SEPTIN9: variants seen among roughly 807,000 people sequenced by gnomAD.
SEPTIN9 encodes the protein septin-9.
SEPTIN9 carries 13 observed loss-of-function variants against 56.6 expected under a neutral mutation model. The ratio of observed to expected loss-of-function variants is 0.23; its 90% CI spans 0.15 to 0.37. The LOEUF is 0.37. Among genes scored for constraint, SEPTIN9 ranks in the 10% least tolerant of loss-of-function variants. SEPTIN9 has a pLI of 1.00. For synonymous variants in SEPTIN9, 332 were observed against 334.1 expected (o/e 0.99, Z 0.07); for missense variants, 650 against 823.1 (o/e 0.79, Z 2.57).
In SEPTIN9 at chr17:77,498,678, C is replaced by CGGGGGG; in HGVS notation, c.*23_*24insGGGGGG. The CGGGGGG allele has an allele frequency of 6.6e-7, 1 of 1,511,224 alleles. No individual in the cohort carries two copies. The highest frequency in any genetic ancestry group is 8.9e-7 in the Non-Finnish European group (1 of 1,123,266). 93.6% of individuals were successfully genotyped at this position (1,511,224 alleles called of 1,614,324 possible). On this transcript the variant is annotated 3_prime_UTR_variant, in exon 12 of 12. Coordinates refer to ENST00000427177, the MANE Select transcript of SEPTIN9 (RefSeq NM_001113491.2). ...ATGTAGACGCCACCCTGCCCACCCC[C>CGGGGGG]GGGATCCTGCCCCCAAGTCATTTCC...
chr17:77,284,667 T>TTG (rs1217373955), intron 1 of SEPTIN9, among the ~76,000 whole-genome samples: 1 of 152,202 alleles, frequency 6.6e-6, no homozygotes, highest in Non-Finnish European at 1.5e-5. Context: ...TCTCACTCTG[T>TTG]CTCCCAGGCT....
At chr17:77,307,381 G>A (rs1028450320) in intron 2 of SEPTIN9, among the ~76,000 whole-genome samples, 184 bp downstream of exon 2, 4 of 152,216 alleles carry the variant, frequency 2.6e-5, no homozygotes, top group Non-Finnish European at 4.4e-5. Flanking sequence ...CAGGCCTGTC[G>A]ACGCTGCCCT....
intron 3 of SEPTIN9, chr17:77,454,167 A>G: frequency 1.0e-6 from 1 of 985,578 alleles, no homozygotes. Flanking sequence ...CTTAACACAG[A>G]GCATCGATAC....
chr17:77,343,003 G>GTCTATCTATCTATCCA lies in SEPTIN9; in HGVS notation c.76+35820_76+35821insCATCTATCTATCTATC. 1.4e-5 allele frequency among the ~76,000 whole-genome samples: 2 copies of GTCTATCTATCTATCCA among 147,254 alleles called. 1 individual carries two copies. Among genetic ancestry groups the GTCTATCTATCTATCCA allele is most frequent in the Middle Eastern group, 6.8e-3 (2 of 292 alleles). On this transcript the variant is annotated intron_variant, in intron 2 of 11. Transcript: ENST00000427177. ...AATCAATGTATCTGTCTGTCTGTCT[G>GTCTATCTATCTATCCA]TCTATCTATCTATCTATCTATCTAT...
Position 77,435,872 on chromosome 17 carries a change from C to T in SEPTIN9, c.721+33169C>T, listed in dbSNP as rs777324787. Among the ~76,000 whole-genome samples the T allele has an allele frequency of 1.3e-5, 2 of 152,224 alleles. No homozygotes were observed. Among genetic ancestry groups the T allele is most frequent in the Non-Finnish European group, 2.9e-5 (2 of 68,040 alleles). On this transcript the variant is annotated intron_variant, in intron 3 of 11. Transcript: ENST00000427177. The surrounding 1 kb of genome is among the most constrained non-coding windows in gnomAD (Gnocchi z 4.5). ...AGGCCTTTGCTCCTGAGCCCTGCCT[C>T]TGTGTAATCCCTAAAGCACGGACTT... is the stretch of plus-strand genomic sequence containing the variant.
chr17:77,332,725 C>CT lies in SEPTIN9; in HGVS notation c.76+25535dup, dbSNP rs531604952. 3.9e-4 allele frequency among the ~76,000 whole-genome samples: 60 copies of CT among 152,230 alleles called. 1 individual carries two copies. The Middle Eastern group carries it at 0.01, about 26-fold the overall frequency. ...CTTCCCCAGGGCAACCACAATTGTG[C>CT]TTTTTTTCCACCACGAAATAATTTT... On this transcript the variant is annotated intron_variant, in intron 2 of 11. Coordinates refer to ENST00000427177, the MANE Select transcript of SEPTIN9 (RefSeq NM_001113491.2).
intron 1 of SEPTIN9, among the ~76,000 whole-genome samples, chr17:77,302,413 C>T (rs2032089969): frequency 6.6e-6 from 1 of 151,952 alleles, no homozygotes; most frequent in Non-Finnish European, 1.5e-5. Context: ...GGCGTGGTGG[C>T]TCACGTCTGT....
chr17:77,463,178 C>T (rs1421642532), intron 3 of SEPTIN9, among the ~76,000 whole-genome samples: 1 of 152,124 alleles, frequency 6.6e-6, no homozygotes. Context: ...AGGGGCAGGT[C>T]AGTGAGTTCT....
intron 3 of SEPTIN9, among the ~76,000 whole-genome samples, chr17:77,428,649 C>T (rs2037005909): frequency 6.6e-6 from 1 of 152,180 alleles, no homozygotes; most frequent in Admixed American, 6.5e-5. Flanking sequence ...AGGGCACTAA[C>T]CCTGGGTCAC....
rs1235712430 is a variant in SEPTIN9 at position 77,437,916 on chromosome 17, G to T, written c.721+35213G>T. On this transcript the variant is annotated intron_variant, in intron 3 of 11. Coordinates refer to ENST00000427177, the MANE Select transcript of SEPTIN9 (RefSeq NM_001113491.2). This position sits in a 1 kb window ranked among gnomAD's most constrained non-coding sequence, Gnocchi z 5.3. Reference sequence around the variant, plus strand: ...GCCCCTTGCTTGCGCTGGTGACTGTGGCTGGTTGTTGGTGCCTGGCCCTGC... The same window carrying T: ...GCCCCTTGCTTGCGCTGGTGACTGTTGCTGGTTGTTGGTGCCTGGCCCTGC... Among the ~76,000 whole-genome samples the T allele has an allele frequency of 2.6e-5, 4 of 152,236 alleles. No homozygotes were observed. The highest frequency in any genetic ancestry group is 5.9e-5 in the Non-Finnish European group (4 of 68,032).
At chr17:77,287,815 T>C (rs1431004612) in intron 1 of SEPTIN9, 39 of 921,808 alleles carry the variant, frequency 4.2e-5, no homozygotes, top group Non-Finnish European at 4.3e-5. Flanking sequence ...AAAGCATGAC[T>C]GTTGGCAGCC....
At position 77,478,281 on chromosome 17, in the gene SEPTIN9, G is replaced by C. The variant is rs141163299; in HGVS notation, c.722-3863G>C. Among the ~76,000 whole-genome samples, 714 of 152,348 alleles carry C rather than the reference G, an allele frequency of 4.7e-3. 3 individuals carry two copies. The highest frequency in any genetic ancestry group is 6.8e-3 in the Middle Eastern group (2 of 294). On this transcript the variant is annotated intron_variant, in intron 3 of 11. Coordinates refer to ENST00000427177, the MANE Select transcript of SEPTIN9 (RefSeq NM_001113491.2). ...TCCGTTCCTCAGTTGGACTAGCTCA[G>C]TGTCAAGTGCTCAGAAGTCACTTGT...
chr17:77,484,679 T>TGATGG (rs1288319944), intron 4 of SEPTIN9, among the ~76,000 whole-genome samples: 38 of 50,408 alleles, frequency 7.5e-4, no homozygotes, highest in African/African-American at 2.8e-3. Context: ...GGTGGTGATG[T>TGATGG]GGGTGGTGGT....
intron 2 of SEPTIN9, 88 bp from the exon 3 acceptor site, chr17:77,401,971 C>A (rs971401060): frequency 1.3e-5 from 19 of 1,418,674 alleles, no homozygotes; most frequent in Non-Finnish European, 1.7e-5. Flanking sequence ...CATCGCCTGC[C>A]TTCCTCTGCT....
chr17:77,431,140 A>T (rs554104216), intron 3 of SEPTIN9, among the ~76,000 whole-genome samples: 4 of 152,286 alleles, frequency 2.6e-5, no homozygotes, highest in Admixed American at 2.6e-4. Context: ...CAGGCGTTCG[A>T]GACCAGTCTG....
At chr17:77,470,499 CACTCATCT>C (rs1305102946) in intron 3 of SEPTIN9, among the ~76,000 whole-genome samples, 1 of 152,124 alleles carries the variant, frequency 6.6e-6, no homozygotes, top group Non-Finnish European at 1.5e-5. Context: ...TCCACCCATT[CACTCATCT>C]ACTCATCCAC....
chr17:77,416,449 C>T (rs1035180125), intron 3 of SEPTIN9, among the ~76,000 whole-genome samples: 5 of 152,142 alleles, frequency 3.3e-5, no homozygotes, highest in Admixed American at 6.5e-5. Flanking sequence ...ATAACGGGGC[C>T]GGGGAGCTCT....
intron 2 of SEPTIN9, among the ~76,000 whole-genome samples, chr17:77,393,834 C>T (rs573873317): frequency 6.6e-6 from 1 of 152,284 alleles, no homozygotes; most frequent in Admixed American, 6.5e-5. Flanking sequence ...GATCCACCCA[C>T]CTCAGCCTCC....
chr17:77,432,333 C>T (rs1484343914), intron 3 of SEPTIN9, among the ~76,000 whole-genome samples: 5 of 151,914 alleles, frequency 3.3e-5, no homozygotes, highest in South Asian at 2.1e-4. Context: ...CCGTTGGCAT[C>T]GTCATCATCA....
Sources: allele counts gnomAD v4.1 joint callset (sites outside exome capture counted in the v4.1 genomes callset), GRCh38; gene constraint gnomAD v4.1.1; non-coding constraint Gnocchi (gnomAD v3.1); transcripts MANE v1.5; gene names NCBI Gene and HGNC (gene_info 2026-07-23, HGNC 2026-07-21).